Variants in CYP4A11 observed in about 807,000 individuals in gnomAD.
The protein encoded by CYP4A11 is cytochrome P450 family 4 subfamily A member 11.
In CYP4A11, 52 loss-of-function variants were observed where a neutral mutation model predicts 57.7. The observed-to-expected ratio is 0.90, with a 90% confidence interval of 0.72 to 1.14. CYP4A11 has a LOEUF of 1.14. CYP4A11 is among the 50% of genes most tolerant of loss of function. The pLI is 0.00. For missense variants in CYP4A11, 641 were observed against 642.1 expected, an observed-to-expected ratio of 1.00 and a Z score of 0.02; for synonymous variants, 228 against 247.1, an observed-to-expected ratio of 0.92 and a Z score of 0.72.
intron 4 of CYP4A11, among the ~76,000 whole-genome samples, chr1:46,935,958 T>G (rs1271011626): frequency 6.6e-6 from 1 of 152,202 alleles, no homozygotes; most frequent in Non-Finnish European, 1.5e-5. Flanking sequence ...GTATTGCTAT[T>G]GTTGTTCTGG....
In CYP4A11 at chr1:46,934,540, C is replaced by G; in HGVS notation, c.810G>C (p.Arg270Ser). 6.2e-7 allele frequency: 1 copy of G among 1,613,604 alleles called. No homozygotes were observed. Among genetic ancestry groups the G allele is most frequent in the Non-Finnish European group, 8.5e-7 (1 of 1,179,762 alleles). ...CCCCCTCCTTCTGTAGTTGAGCCTTCCTCAGTTGGATCACTTGGTCTGTAC... is the reference window on the plus strand; with the variant it reads ...CCCCCTCCTTCTGTAGTTGAGCCTTGCTCAGTTGGATCACTTGGTCTGTAC... ...HQHTDQVIQL[R>S]KAQLQKEGEL... The change falls in exon 7 of 12, where the codon AGG becomes AGC. Residue 270 changes from arginine (R) to serine (S), a missense_variant. By Grantham distance (110) the Arg-to-Ser change is moderately radical. Coordinates refer to ENST00000310638, the MANE Select transcript of CYP4A11 (RefSeq NM_000778.4).
rs1261718813 is a variant in CYP4A11, at chr1:46,932,787, A to G, written c.1338T>C (p.Ala446=). The G allele has an allele frequency of 6.2e-7, 1 of 1,614,106 alleles. No individual in the cohort carries two copies. The highest frequency in any genetic ancestry group is 8.5e-7 in the Non-Finnish European group (1 of 1,180,048). The change falls in exon 11 of 12, where the codon GCT becomes GCC. Residue 446 remains alanine (A), a synonymous_variant. Transcript: ENST00000310638. ...FAPGSAQHSH[A]FLPFSGGSRN... ...TTGATCCTCCTGAGAAGGGCAGGAA[A>G]GCGTGGCTGTGTTGAGCAGAACCCG... is the stretch of plus-strand genomic sequence containing the variant.
At chr1:46,931,078 C>G (rs992344352) in intron 11 of CYP4A11, among the ~76,000 whole-genome samples, 2 of 152,216 alleles carry the variant, frequency 1.3e-5, no homozygotes, top group African/African-American at 4.8e-5. Flanking sequence ...GACAGCATCC[C>G]AATGCCTCAG....
intron 1 of CYP4A11, chr1:46,940,783 C>T (rs1681701253): frequency 2.0e-6 from 2 of 985,310 alleles, no homozygotes; most frequent in African/African-American, 1.7e-5. Flanking sequence ...AAATTCCTGC[C>T]TGTATTCTTC....
chr1:46,938,598 G>A (rs1313462566), intron 1 of CYP4A11, among the ~76,000 whole-genome samples: 9 of 152,122 alleles, frequency 5.9e-5, no homozygotes, highest in Non-Finnish European at 1.2e-4. Flanking sequence ...AGATAAAATA[G>A]CATTTGGGAT....
intron 11 of CYP4A11, among the ~76,000 whole-genome samples, chr1:46,931,185 C>T (rs1201019407): frequency 1.3e-5 from 2 of 152,184 alleles, no homozygotes; most frequent in Non-Finnish European, 2.9e-5. Context: ...CTCAGAATGT[C>T]CTCCCTCCAC....
In CYP4A11 at chr1:46,935,093, T is replaced by C. The variant is rs1681298262; in HGVS notation, c.697A>G (p.Arg233Gly). 1.2e-6 allele frequency: 2 copies of C among 1,614,106 alleles called. No individual in the cohort carries two copies. The highest frequency in any genetic ancestry group is 1.7e-6 in the Non-Finnish European group (2 of 1,180,016). The change falls in exon 6 of 12, where the codon AGG (arginine) becomes GGG (glycine). Residue 233 changes from arginine (R) to glycine (G), a missense_variant. Physicochemically the swap from Arg to Gly is moderately radical, Grantham distance 125. Coordinates refer to ENST00000310638, the MANE Select transcript of CYP4A11 (RefSeq NM_000778.4). ...GTGTCATTCTGGTGAAAGGCATTCCTCACACGGGAAAAAACCAGGTTGTTC... is the reference window on the plus strand; with the variant it reads ...GTGTCATTCTGGTGAAAGGCATTCCCCACACGGGAAAAAACCAGGTTGTTC... ...DLNNLVFSRV[R>G]NAFHQNDTIY...
chr1:46,939,711 A>G (rs1258499172), intron 1 of CYP4A11, among the ~76,000 whole-genome samples: 1 of 151,918 alleles, frequency 6.6e-6, no homozygotes, highest in Non-Finnish European at 1.5e-5. Flanking sequence ...TTCTTGAAGG[A>G]GGTAGCTTGG....
rs866873615 is a variant in CYP4A11, at chr1:46,938,810, C to G, written c.196-673G>C. Among the ~76,000 whole-genome samples the G allele has an allele frequency of 7.0e-4, 107 of 152,350 alleles. No homozygotes were observed. The Middle Eastern group carries it at 0.01, about 15-fold the overall frequency. ...TGAGCTCCCTGCTGCCTGCAGTCAT[C>G]TTTCTAAACTCTTCGATGTGGATCA... On this transcript the variant is annotated intron_variant, in intron 1 of 11. Coordinates refer to ENST00000310638, the MANE Select transcript of CYP4A11 (RefSeq NM_000778.4).
chr1:46,936,672 C>G lies in CYP4A11; in HGVS notation c.502G>C (p.Val168Leu). ...YVGLMADSVR[V>L]MLDKWEELLG... ...GAGAGACATGGACTCACCAGCATCA[C>G]TCGTACAGAGTCTGCCATGAGCCCC... Residue 168 changes from valine (V) to leucine (L), a missense_variant, in exon 4 of 12, where the codon GTG becomes CTG. Coordinates refer to ENST00000310638, the MANE Select transcript of CYP4A11 (RefSeq NM_000778.4). The G allele has an allele frequency of 6.2e-7, 1 of 1,606,430 alleles. No homozygotes were observed. Among genetic ancestry groups the G allele is most frequent in the Non-Finnish European group, 8.5e-7 (1 of 1,176,280 alleles).
chr1:46,931,722 A>G (rs1681040609), intron 11 of CYP4A11: 1 of 658,136 alleles, frequency 1.5e-6, no homozygotes, highest in East Asian at 1.4e-4. Context: ...TTTCAGGAGG[A>G]AGCTTTTTCT....
Position 46,941,084 on chromosome 1 carries a change from A to C in CYP4A11, c.195+155T>G, listed in dbSNP as rs189450424. ...TCATGGGAGAAGTGAGCTCCTCATG[A>C]CTGGGAAAAGCTGAGACCAGAGAGG... On this transcript the variant is annotated intron_variant, in intron 1 of 11. Coordinates refer to ENST00000310638, the MANE Select transcript of CYP4A11 (RefSeq NM_000778.4). 3,086 of 960,614 alleles carry C rather than the reference A, an allele frequency of 3.2e-3. 12 individuals carry two copies. Among genetic ancestry groups the C allele is most frequent in the Non-Finnish European group, 3.5e-3 (2,847 of 807,504 alleles). The allele number at this position is 960,614 out of a possible 1,614,324, so 59.5% of individuals were successfully genotyped here.
At position 46,937,876 on chromosome 1, in the gene CYP4A11, C is replaced by T. The variant is rs1353275920; in HGVS notation, c.337+120G>A. The T allele has an allele frequency of 5.4e-5, 79 of 1,450,066 alleles. 2 individuals carry two copies. The South Asian group carries it at 8.9e-4, about 16-fold the overall frequency. The allele number at this position is 1,450,066 out of a possible 1,614,324, so 89.8% of individuals were successfully genotyped here. On this transcript the variant is annotated intron_variant, in intron 2 of 11. Coordinates refer to ENST00000310638, the MANE Select transcript of CYP4A11 (RefSeq NM_000778.4). ...CTGGGCATGGTGGGCTTGGTGGATG[C>T]GTGGGAGAGGTTTCAGATATTGATG...
At position 46,936,802 on chromosome 1, in the gene CYP4A11, C is replaced by T. The variant is rs368325081; in HGVS notation, c.383-11G>A. On this transcript the variant is annotated splice_polypyrimidine_tract_variant and intron_variant, in intron 3 of 11. Transcript: ENST00000310638. ...GGAGCAAGCCGTACCCTAAGAGAGACATGAATGTGTGTTTGTGTGTGTGTG... is the reference window on the plus strand; with the variant it reads ...GGAGCAAGCCGTACCCTAAGAGAGATATGAATGTGTGTTTGTGTGTGTGTG... The T allele has an allele frequency of 9.4e-5, 147 of 1,566,596 alleles. No individual in the cohort carries two copies. Among genetic ancestry groups the T allele is most frequent in the Non-Finnish European group, 1.2e-4 (140 of 1,161,312 alleles).
At chr1:46,941,172 T>C in intron 1 of CYP4A11, 67 bp downstream of exon 1, 2 of 1,553,816 alleles carry the variant, frequency 1.3e-6, no homozygotes, top group South Asian at 2.5e-5. Flanking sequence ...TCTATGGATT[T>C]TGTGACCAGG....
Position 46,937,300 on chromosome 1 carries a change from A to C in CYP4A11, c.382+2T>G, listed in dbSNP as rs1681470110. On this transcript the variant is annotated splice_donor_variant, in intron 3 of 11. Transcript: ENST00000310638. LOFTEE classifies it high-confidence loss of function. ...GGCTGCAGTCCTAGTTTGCACACAT[A>C]CCAATCCATGGAGCCAGGAATCTGT... 4.3e-6 allele frequency: 7 copies of C among 1,614,092 alleles called. No individual in the cohort carries two copies. Among genetic ancestry groups the C allele is most frequent in the Non-Finnish European group, 5.9e-6 (7 of 1,179,974 alleles).
intron 2 of CYP4A11, among the ~76,000 whole-genome samples, chr1:46,937,673 A>C (rs185496027): frequency 6.8e-4 from 104 of 152,354 alleles, no homozygotes; most frequent in African/African-American, 2.4e-3. Context: ...GACAGGCAAC[A>C]ATTAGAGCTT....
At position 46,934,983 on chromosome 1, in the gene CYP4A11, A is replaced by G; in HGVS notation, c.790+17T>C. 6.2e-7 allele frequency: 1 copy of G among 1,609,340 alleles called. No homozygotes were observed. Among genetic ancestry groups the G allele is most frequent in the South Asian group, 1.1e-5 (1 of 90,556 alleles). The stretch of plus-strand genomic sequence containing the variant: ...TGTGCCTGGGAAAGGCTGGGAGACA[A>G]GAGGAAAAGACAGAACCTGTGTGCT... On this transcript the variant is annotated intron_variant, in intron 6 of 11. Transcript: ENST00000310638.
At chr1:46,936,826 T>A in intron 3 of CYP4A11, 35 bp from the exon 4 acceptor site, 1 of 1,554,544 alleles carries the variant, frequency 6.4e-7, no homozygotes. Flanking sequence ...TGTGTGTGTG[T>A]GTGTGTGTGT....
Sources: allele counts gnomAD v4.1 joint callset (sites outside exome capture counted in the v4.1 genomes callset), GRCh38; gene constraint gnomAD v4.1.1; transcripts MANE v1.5; gene names NCBI Gene and HGNC (gene_info 2026-07-23, HGNC 2026-07-21).